Variants in CBR4 observed in about 807,000 individuals in gnomAD.
The protein encoded by CBR4 is 3-oxoacyl-[acyl-carrier-protein] reductase.
A neutral mutation model predicts 21.0 loss-of-function variants in CBR4; 22 were observed. That is an observed-to-expected ratio of 1.05 (90% CI 0.75 to 1.50). The LOEUF (loss-of-function observed/expected upper bound fraction) is 1.50. Ranked by LOEUF, CBR4 falls within the 40% of genes most tolerant of loss-of-function variation. The pLI is 0.00. For synonymous variants in CBR4, 100 were observed against 104.4 expected (o/e 0.96, Z 0.26); for missense variants, 302 against 286.3 (o/e 1.05, Z -0.40).
Position 169,007,632 on chromosome 4 carries a change from C to T in CBR4, c.263+4G>A. The T allele has an allele frequency of 6.5e-7, 1 of 1,527,628 alleles. No homozygotes were observed. The highest frequency in any genetic ancestry group is 8.8e-7 in the Non-Finnish European group (1 of 1,142,576). 94.6% of individuals were successfully genotyped at this position (1,527,628 alleles called of 1,614,324 possible). A position where few individuals can be genotyped will look rare whatever the true frequency, so the allele number is the denominator to read the frequency against. On this transcript the variant is annotated splice_donor_region_variant and intron_variant, in intron 2 of 4. Transcript: ENST00000306193. Reference sequence around the variant, plus strand: ...TAAGAAACTTATTTAAATCTGTGACCAACCTGTTAATACCAGCTGCATTTA... The same window carrying T: ...TAAGAAACTTATTTAAATCTGTGACTAACCTGTTAATACCAGCTGCATTTA...
intron 2 of CBR4, among the ~76,000 whole-genome samples, chr4:168,975,741 T>A (rs1019362205): frequency 6.6e-6 from 1 of 152,062 alleles, no homozygotes; most frequent in African/African-American, 2.4e-5. Context: ...GAGCTCAGAT[T>A]CTCCCTGGGC....
At chr4:169,006,027 A>G (rs1730884892) in intron 3 of CBR4, 2 of 611,116 alleles carry the variant, frequency 3.3e-6, no homozygotes. Flanking sequence ...CTACAGGCAT[A>G]TACTCCACAG....
chr4:168,898,100 A>G, intron 2 of CBR4: 1 of 271,944 alleles, frequency 3.7e-6, no homozygotes, highest in South Asian at 4.3e-5. Context: ...GGAGAGATGT[A>G]CCACCCTGCA....
downstream of CBR4, among the ~76,000 whole-genome samples, chr4:168,987,355 A>C (rs1189603564): frequency 6.6e-6 from 1 of 152,220 alleles, no homozygotes; most frequent in Non-Finnish European, 1.5e-5. Flanking sequence ...GTAATGACTA[A>C]AGAATATTTT....
chr4:168,946,276 G>A (rs1763394802), intron 2 of CBR4, among the ~76,000 whole-genome samples: 1 of 152,210 alleles, frequency 6.6e-6, no homozygotes, highest in Admixed American at 6.5e-5. Context: ...CCAGGCAGGA[G>A]AGTCTTCTCT....
intron 2 of CBR4, among the ~76,000 whole-genome samples, chr4:168,948,229 G>T (rs183382728): frequency 2.0e-5 from 3 of 152,128 alleles, no homozygotes; most frequent in Admixed American, 2.0e-4. Context: ...GGGACTGTTT[G>T]TTTTTATCTT....
intron 2 of CBR4, among the ~76,000 whole-genome samples, chr4:168,960,089 T>A (rs1763802785): frequency 6.6e-6 from 1 of 152,190 alleles, no homozygotes; most frequent in South Asian, 2.1e-4. Flanking sequence ...TCCTAAGTGT[T>A]ATGGTTTTTA....
chr4:168,898,481 T>C lies in CBR4; in HGVS notation n.170-3716A>G, dbSNP rs1429082856. The C allele has an allele frequency of 3.8e-6, 6 of 1,586,506 alleles. No individual in the cohort carries two copies. Among genetic ancestry groups the C allele is most frequent in the Non-Finnish European group, 5.2e-6 (6 of 1,155,124 alleles). On this transcript the variant is annotated intron_variant and non_coding_transcript_variant, in intron 2 of 3. Coordinates refer to the CBR4 transcript ENST00000509108. The stretch of plus-strand genomic sequence containing the variant: ...GGATTGAGTCTGCTAACTTAAACTT[T>C]CCTTGATTCAGGAATACAAAGTCTC...
chr4:168,911,911 T>C (rs1327007609), intron 2 of CBR4, among the ~76,000 whole-genome samples: 1 of 152,184 alleles, frequency 6.6e-6, no homozygotes. Flanking sequence ...AAACTAGTTA[T>C]GTTTGTTTCT....
At chr4:168,903,685 A>C in intron 2 of CBR4, 1 of 1,238,650 alleles carries the variant, frequency 8.1e-7, no homozygotes. Context: ...CCACACTGTT[A>C]CTATTTTCAG....
chr4:168,907,481 T>G (rs1299834553), intron 2 of CBR4, among the ~76,000 whole-genome samples: 2 of 152,186 alleles, frequency 1.3e-5, no homozygotes, highest in Non-Finnish European at 2.9e-5. Context: ...GTGCCACAAC[T>G]GCCACAGCTG....
chr4:168,994,986 T>C (rs1306989755), intron 4 of CBR4, among the ~76,000 whole-genome samples: 6 of 152,122 alleles, frequency 3.9e-5, no homozygotes, highest in Non-Finnish European at 2.9e-5. Context: ...ATTACTGGCC[T>C]TAGGTGATCA....
rs1764780914 is a variant in CBR4 at position 168,988,761 on chromosome 4, C to G, written c.*1389G>C. On this transcript the variant is annotated 3_prime_UTR_variant, in exon 5 of 5. Transcript: ENST00000306193. Reference sequence around the variant, plus strand: ...TGAGATTAATCTAAGAAAACTATTTCAAAGATAAATTTAAAATAATTTTTA... The same window carrying G: ...TGAGATTAATCTAAGAAAACTATTTGAAAGATAAATTTAAAATAATTTTTA... 1.0e-6 allele frequency: 1 copy of G among 959,904 alleles called. No homozygotes were observed. Among genetic ancestry groups the G allele is most frequent in the African/African-American group, 1.8e-5 (1 of 56,664 alleles). 59.5% of individuals were successfully genotyped at this position (959,904 alleles called of 1,614,324 possible).
chr4:169,000,005 G>A lies in CBR4; in HGVS notation c.535+2066C>T, dbSNP rs943997655. Among the ~76,000 whole-genome samples, 3 of 152,278 alleles carry A rather than the reference G, an allele frequency of 2.0e-5. No individual in the cohort carries two copies. The South Asian group carries it at 6.2e-4, about 32-fold the overall frequency. ...TAGGAGACATGCCAGAAAGTTTGCT[G>A]CATGAGTTATTGTTAGCTAAGTACA... On this transcript the variant is annotated intron_variant, in intron 4 of 4. Coordinates refer to ENST00000306193, the MANE Select transcript of CBR4 (RefSeq NM_032783.5).
chr4:168,932,523 A>G (rs1762999653), intron 2 of CBR4, among the ~76,000 whole-genome samples: 1 of 152,240 alleles, frequency 6.6e-6, no homozygotes, highest in Non-Finnish European at 1.5e-5. Flanking sequence ...ATGAAATCAC[A>G]GCAAAAAACT....
chr4:169,010,127 T>C lies in CBR4; in HGVS notation c.-38A>G, dbSNP rs1579041859. 1.3e-6 allele frequency: 2 copies of C among 1,519,286 alleles called. No individual in the cohort carries two copies. The highest frequency in any genetic ancestry group is 1.8e-6 in the Non-Finnish European group (2 of 1,131,004). The allele number at this position is 1,519,286 out of a possible 1,614,324, so 94.1% of individuals were successfully genotyped here. On this transcript the variant is annotated 5_prime_UTR_variant, in exon 1 of 5. Transcript: ENST00000306193. ...AACTCGGAGGAAAGAGGGTAGGGAG[T>C]GGGAGCCCCTCTCCAGGTTCCCTCA...
intron 2 of CBR4, among the ~76,000 whole-genome samples, chr4:168,972,493 T>C (rs1436403597): frequency 2.6e-5 from 4 of 152,234 alleles, no homozygotes; most frequent in African/African-American, 9.6e-5. Context: ...AGAGATCTTA[T>C]ACTTCCTTGG....
intron 2 of CBR4, chr4:168,925,479 T>G (rs11944074): frequency 0.031 from 18,129 of 590,210 alleles, 381 homozygotes; most frequent in Middle Eastern, 0.063. Flanking sequence ...TCTATCGCAG[T>G]GTCCTAATGC....
chr4:168,916,663 T>C (rs912689429), intron 2 of CBR4, among the ~76,000 whole-genome samples: 3 of 151,016 alleles, frequency 2.0e-5, no homozygotes, highest in Non-Finnish European at 2.9e-5. Context: ...CTCTGACTTT[T>C]ATTCCTCCCA....
Sources: gnomAD v4.1 joint callset for allele counts (sites outside exome capture counted in the v4.1 genomes callset) on GRCh38, gnomAD v4.1.1 for gene constraint, MANE v1.5 for transcripts, NCBI Gene and HGNC (gene_info 2026-07-23, HGNC 2026-07-21) for gene names.